PCDHA3: variants seen among roughly 807,000 people sequenced by gnomAD.
PCDHA3 encodes protocadherin alpha-3.
Under a neutral mutation model 62.2 loss-of-function variants are expected in PCDHA3, and 41 were observed. The observed-to-expected ratio is 0.66, with a 90% CI of 0.51 to 0.86. The LOEUF (loss-of-function observed/expected upper bound fraction) is 0.86. Ranked by LOEUF, PCDHA3 falls within the 40% of genes least tolerant of loss-of-function variation. The pLI is 0.00. For synonymous variants in PCDHA3, 640 were observed against 555.4 expected, an observed-to-expected ratio of 1.15 and a Z score of -2.14; for missense variants, 1,304 against 1,241.2, an observed-to-expected ratio of 1.05 and a Z score of -0.76.
In PCDHA3 at chr5:140,944,201, G is replaced by T. The variant is rs1389405246; in HGVS notation, c.2395-34748G>T. Among the ~76,000 whole-genome samples, 5 of 152,034 alleles carry T rather than the reference G, an allele frequency of 3.3e-5. No homozygotes were observed. In the East Asian group the frequency reaches 9.6e-4, roughly 29 times the overall value. On this transcript the variant is annotated intron_variant, in intron 1 of 3. Coordinates refer to ENST00000522353, the MANE Select transcript of PCDHA3 (RefSeq NM_018906.3). ...TTGTTGGTTTGTTTTGTTTTGTTTT[G>T]TTTTTAAAGAGGGTTTTACTCTGTC...
At chr5:141,006,073 T>G (rs2098254106) in intron 3 of PCDHA3, among the ~76,000 whole-genome samples, 1 of 151,712 alleles carries the variant, frequency 6.6e-6, no homozygotes, top group Non-Finnish European at 1.5e-5. Context: ...AAAAATCAGA[T>G]TATTGAAGGG....
intron 1 of PCDHA3, chr5:140,967,270 C>G (rs782562333): frequency 6.2e-7 from 1 of 1,613,488 alleles, no homozygotes; most frequent in Non-Finnish European, 8.5e-7. Context: ...CGCGCTTTCA[C>G]ATAGAGAGTG....
chr5:140,976,553 A>C (rs1554237789), intron 1 of PCDHA3, among the ~76,000 whole-genome samples: 1 of 152,074 alleles, frequency 6.6e-6, no homozygotes, highest in African/African-American at 2.4e-5. Flanking sequence ...CCTATCTCAT[A>C]AATAAATAAA....
rs782003848 is a variant in PCDHA3 at position 140,929,358 on chromosome 5, G to GC, written c.2395-49588dup. The GC allele has an allele frequency of 3.9e-6, 6 of 1,522,886 alleles. No homozygotes were observed. The South Asian group carries it at 5.3e-5, about 13-fold the overall frequency. 94.3% of individuals were successfully genotyped at this position (1,522,886 alleles called of 1,614,324 possible). A position where few individuals can be genotyped will look rare whatever the true frequency, so the allele number is the denominator to read the frequency against. Reference sequence around the variant, plus strand: ...AATTTTATGGAATTTGATTCCTTTGGCCCGGAGATGGCTGCTAGCTGTGTT... The same window carrying GC: ...AATTTTATGGAATTTGATTCCTTTGGCCCCGGAGATGGCTGCTAGCTGTGTT... On this transcript the variant is annotated intron_variant, in intron 1 of 3. Coordinates refer to ENST00000522353, the MANE Select transcript of PCDHA3 (RefSeq NM_018906.3).
intron 1 of PCDHA3, chr5:140,877,313 C>T (rs2057018817): frequency 6.2e-7 from 1 of 1,613,836 alleles, no homozygotes; most frequent in Non-Finnish European, 8.5e-7. Flanking sequence ...TTGCAACCGG[C>T]GGCGGTCGGC....
intron 1 of PCDHA3, among the ~76,000 whole-genome samples, chr5:140,837,921 C>T (rs1775313759): frequency 6.6e-6 from 1 of 151,734 alleles, no homozygotes; most frequent in Admixed American, 6.6e-5. Flanking sequence ...TCAAGCGATC[C>T]TCCTACCTTG....
rs3822348 is a variant in PCDHA3, at chr5:140,807,476, C to G, written c.2394+3885C>G. On this transcript the variant is annotated intron_variant, in intron 1 of 3. Transcript: ENST00000522353. ...TCGGATCGACCGGGAGGAGCTGTGC[C>G]GGCGGAGCGCGGAGTGCAGCATCCA... 2.7e-4 allele frequency: 443 copies of G among 1,612,944 alleles called. 2 individuals are homozygous for G. In the East Asian group the frequency reaches 8.6e-3, roughly 31 times the overall value.
rs1554263662 is a variant in PCDHA3 at position 141,011,810 on chromosome 5, G to A, written c.*1873G>A. The A allele has an allele frequency of 6.5e-6, 1 of 153,716 alleles. No individual in the cohort carries two copies. The highest frequency in any genetic ancestry group is 1.9e-4 in the East Asian group (1 of 5,198). 9.5% of individuals were successfully genotyped at this position (153,716 alleles called of 1,614,324 possible). ...ATGGTATCTGAAATATCAGCTCATA[G>A]AAAGTAACAAAATTTGCTGTCACCT... On this transcript the variant is annotated 3_prime_UTR_variant, in exon 4 of 4. Coordinates refer to ENST00000522353, the MANE Select transcript of PCDHA3 (RefSeq NM_018906.3).
intron 1 of PCDHA3, among the ~76,000 whole-genome samples, chr5:140,938,975 C>T (rs1249900927): frequency 6.6e-6 from 1 of 152,188 alleles, no homozygotes; most frequent in African/African-American, 2.4e-5. Flanking sequence ...GGCATCAAGG[C>T]TATCCTGGCT....
At chr5:140,819,439 A>C (rs1299042347) in intron 1 of PCDHA3, among the ~76,000 whole-genome samples, 2 of 152,158 alleles carry the variant, frequency 1.3e-5, no homozygotes, top group African/African-American at 4.8e-5. Context: ...TTTAAATCTA[A>C]ATTTTTTTCT....
chr5:140,904,328 C>T (rs1469107868), intron 1 of PCDHA3, among the ~76,000 whole-genome samples: 2 of 151,958 alleles, frequency 1.3e-5, no homozygotes, highest in South Asian at 2.1e-4. Flanking sequence ...ATAATGGTCT[C>T]CAGTTCCATC....
At position 140,925,289 on chromosome 5, in the gene PCDHA3, G is replaced by T. The variant is rs190990360; in HGVS notation, c.2395-53660G>T. Among the ~76,000 whole-genome samples, 1,224 of 152,222 alleles carry T rather than the reference G, an allele frequency of 8.0e-3. 6 individuals carry two copies. The highest frequency in any genetic ancestry group is 0.019 in the African/African-American group (790 of 41,540). On this transcript the variant is annotated intron_variant, in intron 1 of 3. Coordinates refer to ENST00000522353, the MANE Select transcript of PCDHA3 (RefSeq NM_018906.3). The stretch of plus-strand genomic sequence containing the variant: ...TGTGTTCAGATTTTGCCTTTCAAAT[G>T]TTTCATTATTGGGGCTTTGGACATA...
At chr5:140,839,997 G>A (rs2150302530) in intron 1 of PCDHA3, among the ~76,000 whole-genome samples, 10 of 152,064 alleles carry the variant, frequency 6.6e-5, no homozygotes, top group Non-Finnish European at 1.5e-4. Context: ...GTTAGCCTTA[G>A]CACTGAGAAG....
intron 1 of PCDHA3, chr5:140,882,622 T>C (rs782369081): frequency 1.1e-4 from 185 of 1,614,060 alleles, no homozygotes; most frequent in Non-Finnish European, 1.5e-4. Context: ...AGGTTTTCCA[T>C]GTGGAGGTGA....
intron 1 of PCDHA3, among the ~76,000 whole-genome samples, chr5:140,818,664 C>T (rs1554127546): frequency 6.6e-6 from 1 of 152,120 alleles, no homozygotes; most frequent in Non-Finnish European, 1.5e-5. Context: ...TAGGGAGACT[C>T]CATCTTTACA....
chr5:140,870,302 T>A (rs782099481), intron 1 of PCDHA3: 9 of 1,614,020 alleles, frequency 5.6e-6, no homozygotes, highest in South Asian at 4.4e-5. Flanking sequence ...GTGTCCACCT[T>A]CAAGAATTAC....
intron 1 of PCDHA3, chr5:140,809,589 C>A (rs782233808): frequency 6.5e-7 from 1 of 1,540,572 alleles, no homozygotes; most frequent in South Asian, 1.2e-5. Context: ...GTATAACATC[C>A]TTTTGTTTAA....
At chr5:140,828,955 G>C (rs1770051113) in intron 1 of PCDHA3, 1 of 1,614,090 alleles carries the variant, frequency 6.2e-7, no homozygotes, top group African/African-American at 1.3e-5. Context: ...TTGCAGCCAT[G>C]GTTATTGACC....
In PCDHA3 at chr5:140,992,017, CTGTGTG is replaced by C. The variant is rs10602499; in HGVS notation, c.2542+9486_2542+9491del. On this transcript the variant is annotated intron_variant, in intron 3 of 3. Coordinates refer to ENST00000522353, the MANE Select transcript of PCDHA3 (RefSeq NM_018906.3). ...CTTTCATGTTCAGGCAGAGGTGGCT[CTGTGTG>C]TGTGTGTGTGTGTGTGTGTGTGTGT... 2.1e-3 allele frequency among the ~76,000 whole-genome samples: 300 copies of C among 145,496 alleles called. 2 individuals carry two copies. The highest frequency in any genetic ancestry group is 4.8e-3 in the African/African-American group (189 of 39,270).
Sources: allele counts gnomAD v4.1 joint callset (sites outside exome capture counted in the v4.1 genomes callset), GRCh38; gene constraint gnomAD v4.1.1; transcripts MANE v1.5; gene names NCBI Gene and HGNC (gene_info 2026-07-23, HGNC 2026-07-21).